The following POMZP3 variants were observed in gnomAD, a reference collection of about 807,000 sequenced individuals.
POMZP3 encodes POM121 and ZP3 fusion, also known as POM121 and ZP3 fusion protein.
In POMZP3, 10 loss-of-function variants were observed where a neutral mutation model predicts 19.8. The observed-to-expected ratio is 0.51, with a 90% CI of 0.31 to 0.86. The LOEUF (loss-of-function observed/expected upper bound fraction) is 0.86, where lower values mean the gene tolerates loss of function less well. POMZP3 is among the 40% of genes least tolerant of loss of function. The probability of loss-of-function intolerance (pLI) is 0.04; values close to 1 mark genes in which losing one functional copy is unlikely to be tolerated. For synonymous variants in POMZP3, 57 were observed against 85.8 expected (o/e 0.66, Z 1.85); for missense variants, 152 against 228.1 (o/e 0.67, Z 2.15).
Position 76,626,711 on chromosome 7 carries a change from G to A in POMZP3, c.-155C>T. 7.2e-7 allele frequency: 1 copy of A among 1,383,148 alleles called. No homozygotes were observed. Among genetic ancestry groups the A allele is most frequent in the Non-Finnish European group, 9.3e-7 (1 of 1,075,828 alleles). The allele number at this position is 1,383,148 out of a possible 1,614,324, so 85.7% of individuals were successfully genotyped here. A position where few individuals can be genotyped will look rare whatever the true frequency, so the allele number is the denominator to read the frequency against. ...TGGGAAAATCAGCGCATCTCACCGT[G>A]GGGAAGGCCTCCCGGAGGGTCGGAG... On this transcript the variant is annotated 5_prime_UTR_variant, in exon 1 of 7. Transcript: ENST00000310842.
intron 3 of POMZP3, among the ~76,000 whole-genome samples, chr7:76,623,230 G>A (rs1799232): frequency 0.56 from 85,052 of 150,838 alleles, 24,132 homozygotes; most frequent in Middle Eastern, 0.71. Flanking sequence ...ACAGCCCCAG[G>A]AGATCCCCAA....
At position 76,625,512 on chromosome 7, in the gene POMZP3, A is replaced by G; in HGVS notation, c.227+10T>C. Reference sequence around the variant, plus strand: ...GGGAAACTGGCTTAGTACTCTCCTGAGCCTGTTACCTTCTTTTATTTTCCT... The same window carrying G: ...GGGAAACTGGCTTAGTACTCTCCTGGGCCTGTTACCTTCTTTTATTTTCCT... On this transcript the variant is annotated intron_variant, in intron 3 of 6. Transcript: ENST00000310842. 1 of 1,612,766 alleles carries G rather than the reference A, an allele frequency of 6.2e-7. No homozygotes were observed. The highest frequency in any genetic ancestry group is 8.5e-7 in the Non-Finnish European group (1 of 1,178,988).
intron 2 of POMZP3, 54 bp from the exon 3 acceptor site, chr7:76,625,737 T>C (rs1815851706): frequency 6.3e-7 from 1 of 1,589,920 alleles, no homozygotes; most frequent in African/African-American, 1.4e-5. Context: ...CCATGCCATA[T>C]CAGAAATGGA....
At chr7:76,622,990 G>T (rs1347068017) in intron 3 of POMZP3, among the ~76,000 whole-genome samples, 1 of 151,544 alleles carries the variant, frequency 6.6e-6, no homozygotes, top group Non-Finnish European at 1.5e-5. Flanking sequence ...TCCCACCTCA[G>T]CCTCTGGAGC....
chr7:76,618,746 A>T (rs1190146393), intron 3 of POMZP3: 1 of 172,254 alleles, frequency 5.8e-6, no homozygotes, highest in Non-Finnish European at 1.3e-5. Flanking sequence ...CTGGGAAGAG[A>T]CCCAAGAAGC....
In POMZP3 at chr7:76,626,774, C is replaced by A. The variant is rs1815925383; in HGVS notation, c.-218G>T. The A allele has an allele frequency of 3.4e-6, 4 of 1,179,238 alleles. No individual in the cohort carries two copies. The highest frequency in any genetic ancestry group is 4.3e-6 in the Non-Finnish European group (4 of 937,444). 73.0% of individuals were successfully genotyped at this position (1,179,238 alleles called of 1,614,324 possible). On this transcript the variant is annotated 5_prime_UTR_variant, in exon 1 of 7. Transcript: ENST00000310842. ...GAGAGAGGGGTAAAAGTGGTGAACGCGATGGGTCGGCGGGGAGGGCGGTGT... is the reference window on the plus strand; with the variant it reads ...GAGAGAGGGGTAAAAGTGGTGAACGAGATGGGTCGGCGGGGAGGGCGGTGT...
At position 76,625,660 on chromosome 7, in the gene POMZP3, G is replaced by A. The variant is rs139906038; in HGVS notation, c.89C>T (p.Thr30Ile). The change falls in exon 3 of 7, where the codon ACA becomes ATA. Residue 30 changes from threonine (T) to isoleucine (I), a missense_variant. Physicochemically the swap from Thr to Ile is moderately conservative, Grantham distance 89. This residue lies in a region of POMZP3 where 70 missense variants were observed against 64.1 expected (regional missense o/e 1.09). Transcript: ENST00000310842. The stretch of plus-strand genomic sequence containing the variant: ...GGCATTACTTGATGGTGAGGACAGT[G>A]TTGAGCTGATTATCTGCTCTGGTCT... ...SAIPEQIISS[T>I]LSSPSSNAPD... 9.2e-5 allele frequency: 149 copies of A among 1,613,884 alleles called. No homozygotes were observed. In the African/African-American group the frequency reaches 1.8e-3, roughly 19 times the overall value.
intron 3 of POMZP3, among the ~76,000 whole-genome samples, chr7:76,625,100 T>C (rs1385360826): frequency 8.6e-6 from 1 of 115,914 alleles, no homozygotes; most frequent in Non-Finnish European, 1.6e-5. Flanking sequence ...GCCACTGCAC[T>C]CCAGCCTGGG....
intron 3 of POMZP3, among the ~76,000 whole-genome samples, chr7:76,623,788 C>G (rs1196605333): frequency 2.0e-5 from 3 of 151,022 alleles, no homozygotes; most frequent in African/African-American, 7.3e-5. Context: ...GCTGACAGAG[C>G]GAGAATCCGC....
rs1209753310 is a variant in POMZP3, at chr7:76,626,763, AGTG to A, written c.-210_-208del. On this transcript the variant is annotated 5_prime_UTR_variant, in exon 1 of 7. Coordinates refer to ENST00000310842, the MANE Select transcript of POMZP3 (RefSeq NM_012230.5). ...AGAGGAGTGGGGAGAGAGGGGTAAA[AGTG>A]GTGAACGCGATGGGTCGGCGGGGAG... 4 of 1,372,016 alleles carry A rather than the reference AGTG, an allele frequency of 2.9e-6. No individual in the cohort carries two copies. In the Admixed American group the frequency reaches 1.5e-4, roughly 52 times the overall value. 85.0% of individuals were successfully genotyped at this position (1,372,016 alleles called of 1,614,324 possible).
chr7:76,618,529 G>A (rs1172447206), intron 3 of POMZP3: 1 of 582,448 alleles, frequency 1.7e-6, no homozygotes, highest in East Asian at 3.7e-5. Flanking sequence ...GCTGAGGCAG[G>A]AGAATCGCTT....
At chr7:76,610,272 T>C (rs772643280) in intron 6 of POMZP3, 57 bp from the exon 7 acceptor site, 2 of 1,611,864 alleles carry the variant, frequency 1.2e-6, no homozygotes, top group Non-Finnish European at 1.7e-6. Context: ...GGGAACTGGG[T>C]TGGAGGTTTT....
rs1348195830 is a variant in POMZP3 at position 76,626,424 on chromosome 7, T to C, written c.-151-209A>G. 8.3e-6 allele frequency: 5 copies of C among 603,546 alleles called. No individual in the cohort carries two copies. The Admixed American group carries it at 1.2e-4, about 15-fold the overall frequency. The allele number at this position is 603,546 out of a possible 1,614,324, so 37.4% of individuals were successfully genotyped here. On this transcript the variant is annotated intron_variant, in intron 1 of 6. Coordinates refer to ENST00000310842, the MANE Select transcript of POMZP3 (RefSeq NM_012230.5). ...GCTTAACAGCTGTCTCAACAATGGA[T>C]TGCAACAATTTGAGAGGGAAAATCT...
Position 76,626,855 on chromosome 7 carries a change from C to A in POMZP3, c.-299G>T. 3.6e-6 allele frequency: 5 copies of A among 1,398,480 alleles called. No individual in the cohort carries two copies. Among genetic ancestry groups the A allele is most frequent in the Non-Finnish European group, 4.6e-6 (5 of 1,085,546 alleles). 86.6% of individuals were successfully genotyped at this position (1,398,480 alleles called of 1,614,324 possible). ...CCAGGCCTATTCCGCAGGTCCTGGC[C>A]CTCCGGAGCGGGGGCGGGCTGCGGC... On this transcript the variant is annotated 5_prime_UTR_variant, in exon 1 of 7. Transcript: ENST00000310842.
intron 3 of POMZP3, among the ~76,000 whole-genome samples, chr7:76,622,154 CTT>C (rs1815599884): frequency 6.7e-6 from 1 of 148,490 alleles, no homozygotes; most frequent in African/African-American, 2.5e-5. Flanking sequence ...TAATCCACCC[CTT>C]GTTTAGCATA....
chr7:76,620,860 CATTTTTTTT>C (rs1290311985), intron 3 of POMZP3, among the ~76,000 whole-genome samples: 1 of 100,270 alleles, frequency 1.0e-5, no homozygotes, highest in Non-Finnish European at 1.9e-5. Context: ...GCTGTAAAGC[CATTTTTTTT>C]TTTTTTTTTT....
Position 76,626,737 on chromosome 7 carries a change from AAG to A in POMZP3, c.-183_-182del. On this transcript the variant is annotated 5_prime_UTR_variant, in exon 1 of 7. It removes the in-frame stop codon of an upstream open reading frame in the 5' UTR. Transcript: ENST00000310842. Reference sequence around the variant, plus strand: ...GGGAAGGCCTCCCGGAGGGTCGGAGAAGAGGAGTGGGGAGAGAGGGGTAAAAG... The same window carrying A: ...GGGAAGGCCTCCCGGAGGGTCGGAGAAGGAGTGGGGAGAGAGGGGTAAAAG... The A allele has an allele frequency of 7.2e-7, 1 of 1,384,472 alleles. No homozygotes were observed. The highest frequency in any genetic ancestry group is 9.3e-7 in the Non-Finnish European group (1 of 1,079,902). 85.8% of individuals were successfully genotyped at this position (1,384,472 alleles called of 1,614,324 possible).
rs1815884290 is a variant in POMZP3 at position 76,626,179 on chromosome 7, T to C, written c.-115A>G. ...GATGGATCGGATAGCGTCTTCGAGG[T>C]GTTATTACAAACCGATCTGGTAAAG... On this transcript the variant is annotated 5_prime_UTR_variant, in exon 2 of 7. Coordinates refer to ENST00000310842, the MANE Select transcript of POMZP3 (RefSeq NM_012230.5). 6 of 1,580,568 alleles carry C rather than the reference T, an allele frequency of 3.8e-6. No homozygotes were observed. In the South Asian group the frequency reaches 6.9e-5, roughly 18 times the overall value.
At chr7:76,619,619 G>A (rs1799228) in intron 3 of POMZP3, among the ~76,000 whole-genome samples, 52,453 of 146,124 alleles carry the variant, frequency 0.36, 9,747 homozygotes, top group Middle Eastern at 0.54. Context: ...CTCCTCAAAG[G>A]CTGGGGTTTG....
Sources: gnomAD v4.1 joint callset for allele counts (sites outside exome capture counted in the v4.1 genomes callset) on GRCh38, gnomAD v4.1.1 for gene constraint, gnomAD v4.1.1 regional missense constraint, MANE v1.5 for transcripts, NCBI Gene and HGNC (gene_info 2026-07-23, HGNC 2026-07-21) for gene names.